The following FANCC variants were observed in gnomAD, a reference collection of about 807,000 sequenced individuals.
FANCC encodes the protein FA complementation group C.
FANCC carries 55 observed loss-of-function variants against 71.3 expected under a neutral mutation model. The observed-to-expected ratio is 0.77, with a 90% CI of 0.62 to 0.97. The LOEUF is 0.97. Among genes scored for constraint, FANCC ranks in the 50% least tolerant of loss-of-function variants. The probability of loss-of-function intolerance (pLI) is 0.00; values close to 1 mark genes in which losing one functional copy is unlikely to be tolerated. For synonymous variants in FANCC, 275 were observed against 244.9 expected (o/e 1.12, Z -1.15); for missense variants, 678 against 670.9 (o/e 1.01, Z -0.12).
intron 6 of FANCC, among the ~76,000 whole-genome samples, chr9:95,162,318 A>G (rs1240942878): frequency 6.6e-6 from 1 of 152,208 alleles, no homozygotes; most frequent in Non-Finnish European, 1.5e-5. Flanking sequence ...TAATCTTCCA[A>G]TGTGTATATA....
intron 6 of FANCC, among the ~76,000 whole-genome samples, chr9:95,161,505 C>T (rs975598565): frequency 6.6e-6 from 1 of 152,170 alleles, no homozygotes; most frequent in Non-Finnish European, 1.5e-5. Context: ...GTGGTTGTGC[C>T]TATTTATGTT....
chr9:95,287,582 C>G (rs1239501658), intron 1 of FANCC, among the ~76,000 whole-genome samples: 1 of 152,140 alleles, frequency 6.6e-6, no homozygotes, highest in Non-Finnish European at 1.5e-5. Context: ...CTGCCTCTGC[C>G]AAAGGATAAA....
chr9:95,131,596 C>T (rs765510853), intron 8 of FANCC, among the ~76,000 whole-genome samples: 6 of 152,168 alleles, frequency 3.9e-5, no homozygotes, highest in Non-Finnish European at 5.9e-5. Context: ...CAGCTTTTAG[C>T]CATACACATC....
At chr9:95,170,455 T>C (rs1248092327) in intron 6 of FANCC, among the ~76,000 whole-genome samples, 1 of 151,650 alleles carries the variant, frequency 6.6e-6, no homozygotes, top group African/African-American at 2.4e-5. Context: ...TAATGATATG[T>C]CAAAAATGAA....
At chr9:95,144,000 C>T (rs1829150102) in intron 7 of FANCC, among the ~76,000 whole-genome samples, 1 of 152,162 alleles carries the variant, frequency 6.6e-6, no homozygotes, top group African/African-American at 2.4e-5. Flanking sequence ...CCAAAGACAC[C>T]AGCCAATTGT....
intron 1 of FANCC, among the ~76,000 whole-genome samples, chr9:95,285,022 T>C (rs564280868): frequency 6.9e-6 from 1 of 145,482 alleles, no homozygotes; most frequent in Admixed American, 6.9e-5. Context: ...TTCTTCTAAA[T>C]ACTGAAAAAA....
intron 8 of FANCC, 166 bp from the exon 9 acceptor site, chr9:95,126,747 A>C (rs775302280): frequency 3.0e-6 from 2 of 676,210 alleles, no homozygotes; most frequent in Non-Finnish European, 5.3e-6. Context: ...CGCCCCACAT[A>C]CAAGTGCATA....
intron 4 of FANCC, among the ~76,000 whole-genome samples, chr9:95,194,916 T>G (rs1330204605): frequency 6.6e-6 from 1 of 152,152 alleles, no homozygotes; most frequent in Non-Finnish European, 1.5e-5. Context: ...TATGCCTAGT[T>G]TGGCCAGGCT....
At chr9:95,297,307 G>A (rs1219781171) in intron 1 of FANCC, among the ~76,000 whole-genome samples, 1 of 152,196 alleles carries the variant, frequency 6.6e-6, no homozygotes, top group Non-Finnish European at 1.5e-5. Flanking sequence ...TAGAGATAGA[G>A]GCCAGCCAAA....
At chr9:95,102,600 TTTAA>T (rs1175429647) in intron 14 of FANCC, among the ~76,000 whole-genome samples, 2 of 152,158 alleles carry the variant, frequency 1.3e-5, no homozygotes, top group Non-Finnish European at 2.9e-5. Context: ...CCCGCAAATG[TTTAA>T]TTAGCCAGAG....
intron 7 of FANCC, among the ~76,000 whole-genome samples, chr9:95,144,849 C>T (rs1053201741): frequency 1.3e-5 from 2 of 152,144 alleles, no homozygotes; most frequent in Non-Finnish European, 2.9e-5. Flanking sequence ...AAGAATCGAG[C>T]GCCGCGCCGC....
chr9:95,242,840 G>A (rs187921139), intron 3 of FANCC, among the ~76,000 whole-genome samples: 11 of 152,274 alleles, frequency 7.2e-5, no homozygotes, highest in Admixed American at 6.5e-4. Context: ...CCAGGGGCTG[G>A]CATCTGTCAG....
At chr9:95,284,791 C>T (rs1476953084) in intron 1 of FANCC, among the ~76,000 whole-genome samples, 1 of 151,886 alleles carries the variant, frequency 6.6e-6, no homozygotes, top group Non-Finnish European at 1.5e-5. Context: ...ATATTAACAA[C>T]AGCAGTTGTA....
intron 1 of FANCC, among the ~76,000 whole-genome samples, chr9:95,270,510 C>G (rs1392394111): frequency 6.6e-6 from 1 of 152,230 alleles, no homozygotes. Flanking sequence ...CAGAAAAATT[C>G]CAATCCTGAT....
intron 1 of FANCC, among the ~76,000 whole-genome samples, chr9:95,278,101 A>G (rs1226954441): frequency 1.3e-5 from 2 of 152,264 alleles, no homozygotes; most frequent in Non-Finnish European, 2.9e-5. Flanking sequence ...TATTTGCCAA[A>G]CACAGTGCAA....
At chr9:95,313,031 T>C (rs2136430110) in intron 1 of FANCC, among the ~76,000 whole-genome samples, 1 of 152,284 alleles carries the variant, frequency 6.6e-6, no homozygotes, top group African/African-American at 2.4e-5. Context: ...AGGTACACAG[T>C]TGACCATTGG....
intron 1 of FANCC, among the ~76,000 whole-genome samples, chr9:95,296,558 A>C (rs1834390838): frequency 6.6e-6 from 1 of 152,186 alleles, no homozygotes; most frequent in African/African-American, 2.4e-5. Flanking sequence ...GGTTTCAGTA[A>C]AGCATAAATG....
intron 8 of FANCC, among the ~76,000 whole-genome samples, chr9:95,128,327 A>G (rs146255173): frequency 3.7e-4 from 56 of 152,384 alleles, no homozygotes; most frequent in African/African-American, 1.3e-3. Flanking sequence ...TGCCTATTGA[A>G]TAAGAGTGTT....
chr9:95,311,709 CTGTGTGTG>C (rs56187288), intron 1 of FANCC, among the ~76,000 whole-genome samples: 36 of 144,494 alleles, frequency 2.5e-4, no homozygotes, highest in South Asian at 4.6e-4. Context: ...TCCTCTGAAT[CTGTGTGTG>C]TGTGTGTGTG....
Sources: allele counts gnomAD v4.1 joint callset (sites outside exome capture counted in the v4.1 genomes callset), GRCh38; gene constraint gnomAD v4.1.1; transcripts MANE v1.5; gene names NCBI Gene and HGNC (gene_info 2026-07-23, HGNC 2026-07-21).